The following BLTP1 variants were observed in gnomAD, a reference collection of about 807,000 sequenced individuals.
The protein encoded by BLTP1 is fragile site-associated protein.
the BLTP1 span, chr4:122,340,627 TG>T: frequency 1.7e-6 from 1 of 595,242 alleles, no homozygotes; most frequent in African/African-American, 2.0e-5. Context: ...TGTGAATCTT[TG>T]AAAGTTTTCA....
chr4:122,216,938 A>G, the BLTP1 span, among the ~76,000 whole-genome samples: 13 of 152,126 alleles, frequency 8.5e-5, no homozygotes, highest in Non-Finnish European at 1.5e-4. Context: ...TGATTTTTCT[A>G]TAAGGTGACA....
At chr4:122,309,516 T>A in the BLTP1 span, 2 of 1,521,754 alleles carry the variant, frequency 1.3e-6, no homozygotes, top group Admixed American at 3.6e-5. Flanking sequence ...AATAAAACAT[T>A]AAGTCTCCAT....
chr4:122,351,244 TG>T, the BLTP1 span: 6 of 910,312 alleles, frequency 6.6e-6, no homozygotes, highest in Non-Finnish European at 7.9e-6. Context: ...ACGTATACAT[TG>T]AAAAAAACTA....
chr4:122,197,486 A>T, the BLTP1 span: 1 of 836,522 alleles, frequency 1.2e-6, no homozygotes, highest in African/African-American at 1.8e-5. Context: ...TCAGTCTTAT[A>T]TGCTTTTATT....
the BLTP1 span, chr4:122,181,174 A>C: frequency 3.1e-5 from 12 of 390,050 alleles, no homozygotes; most frequent in Admixed American, 1.9e-4. Context: ...TCTATAAAGC[A>C]GATCACTAAT....
At chr4:122,211,488 CTACTT>C in the BLTP1 span, among the ~76,000 whole-genome samples, 1 of 152,088 alleles carries the variant, frequency 6.6e-6, no homozygotes, top group Admixed American at 6.6e-5. Flanking sequence ...ATGGAAAAGA[CTACTT>C]TAAGTGAATC....
the BLTP1 span, chr4:122,263,012 G>A: frequency 6.2e-7 from 1 of 1,601,792 alleles, no homozygotes; most frequent in Non-Finnish European, 8.5e-7. Context: ...ATAATTACAT[G>A]TTTATATTTA....
chr4:122,176,670 T>G, the BLTP1 span, among the ~76,000 whole-genome samples: 1 of 152,112 alleles, frequency 6.6e-6, no homozygotes, highest in Admixed American at 6.5e-5. Context: ...TCTACTCCAG[T>G]GTAGGTTTTT....
chr4:122,260,915 T>C, the BLTP1 span, among the ~76,000 whole-genome samples: 1 of 152,146 alleles, frequency 6.6e-6, no homozygotes, highest in Non-Finnish European at 1.5e-5. Context: ...TAAGTGGATA[T>C]GGAATGATCA....
the BLTP1 span, chr4:122,239,708 T>C: frequency 6.2e-7 from 1 of 1,614,150 alleles, no homozygotes; most frequent in South Asian, 1.1e-5. Flanking sequence ...TCCAGTTTAG[T>C]AGTGATGTCT....
the BLTP1 span, chr4:122,199,226 GGT>G: frequency 6.7e-6 from 8 of 1,200,330 alleles, no homozygotes; most frequent in African/African-American, 1.1e-4. Flanking sequence ...CTGTCACTGA[GGT>G]GTGTTTAAAT....
At chr4:122,344,632 G>A in the BLTP1 span, 1 of 1,255,994 alleles carries the variant, frequency 8.0e-7, no homozygotes, top group Non-Finnish European at 1.1e-6. Context: ...TGTTTTAATA[G>A]TGTTTAAATA....
chr4:122,181,566 A>T, the BLTP1 span, among the ~76,000 whole-genome samples: 2 of 151,994 alleles, frequency 1.3e-5, no homozygotes, highest in Non-Finnish European at 2.9e-5. Context: ...GTTAGTGAAC[A>T]TAATCTGTTT....
At chr4:122,334,933 A>G in the BLTP1 span, among the ~76,000 whole-genome samples, 2 of 152,084 alleles carry the variant, frequency 1.3e-5, no homozygotes, top group African/African-American at 4.8e-5. Flanking sequence ...ATTACCCAGA[A>G]TTTAGTGGCT....
the BLTP1 span, chr4:122,352,851 C>T: frequency 5.6e-6 from 9 of 1,593,880 alleles, no homozygotes; most frequent in African/African-American, 2.7e-5. Flanking sequence ...TCTACCCTAT[C>T]CAAGGGTACT....
At chr4:122,355,846 A>G in the BLTP1 span, 11,187 of 1,612,398 alleles carry the variant, frequency 6.9e-3, 663 homozygotes, top group African/African-American at 0.13. Flanking sequence ...GAATAGCACT[A>G]CTGTGAAGAA....
chr4:122,337,012 C>A, the BLTP1 span: 1 of 1,605,102 alleles, frequency 6.2e-7, no homozygotes, highest in African/African-American at 1.3e-5. Context: ...GGTTTATGTA[C>A]GAGTTCAGGT....
chr4:122,356,190 A>G, the BLTP1 span, among the ~76,000 whole-genome samples: 1 of 152,176 alleles, frequency 6.6e-6, no homozygotes, highest in Non-Finnish European at 1.5e-5. Flanking sequence ...CAGTAAAATG[A>G]AGAAGAATAA....
chr4:122,290,953 TG>T, the BLTP1 span: 1 of 822,040 alleles, frequency 1.2e-6, no homozygotes, highest in Non-Finnish European at 1.5e-6. Context: ...GTATTTCTTA[TG>T]GTAAAAAAAA....
Sources: gnomAD v4.1 joint callset for allele counts (sites outside exome capture counted in the v4.1 genomes callset) on GRCh38, gnomAD v4.1.1 for gene constraint, MANE v1.5 for transcripts, NCBI Gene and HGNC (gene_info 2026-07-23, HGNC 2026-07-21) for gene names.